CTNNA2: variants seen among roughly 807,000 people sequenced by gnomAD.
CTNNA2 encodes the protein catenin alpha-2.
Under a neutral mutation model 101.0 loss-of-function variants are expected in CTNNA2, and 42 were observed. The ratio of observed to expected loss-of-function variants is 0.42; its 90% CI spans 0.32 to 0.54. The LOEUF (loss-of-function observed/expected upper bound fraction) is 0.54, where lower values mean the gene tolerates loss of function less well. CTNNA2 is among the 20% of genes least tolerant of loss of function. CTNNA2 has a pLI of 0.14. For missense variants in CTNNA2, 871 were observed against 1,223.1 expected, an observed-to-expected ratio of 0.71 and a Z score of 4.29; for synonymous variants, 450 against 456.4, an observed-to-expected ratio of 0.99 and a Z score of 0.18.
chr2:79,423,358 C>T (rs527799934), intron 4 of CTNNA2, among the ~76,000 whole-genome samples: 1 of 152,196 alleles, frequency 6.6e-6, no homozygotes, highest in South Asian at 2.1e-4. Context: ...ACAGAGTGAC[C>T]TCTGTAAACA....
chr2:79,256,901 G>T (rs985471091), intron 2 of CTNNA2, among the ~76,000 whole-genome samples: 7 of 152,246 alleles, frequency 4.6e-5, no homozygotes, highest in African/African-American at 1.7e-4. Context: ...CAAAGAGTGT[G>T]CTCAGAAAAT....
intron 7 of CTNNA2, among the ~76,000 whole-genome samples, chr2:80,065,600 C>T (rs1006591106): frequency 6.6e-6 from 1 of 152,120 alleles, no homozygotes; most frequent in Admixed American, 6.5e-5. Flanking sequence ...GATCTGCCCG[C>T]CTCGGCCTCC....
At chr2:79,575,803 G>A (rs1490320399) in intron 1 of CTNNA2, among the ~76,000 whole-genome samples, 1 of 152,184 alleles carries the variant, frequency 6.6e-6, no homozygotes, top group African/African-American at 2.4e-5. Context: ...TGCTTGGATT[G>A]AAGTACAAGA....
intron 3 of CTNNA2, among the ~76,000 whole-genome samples, chr2:79,829,738 G>C (rs1363825162): frequency 1.5e-5 from 2 of 137,704 alleles, no homozygotes; most frequent in African/African-American, 5.8e-5. Context: ...ATTTATTTTT[G>C]AGACGGAGTC....
At chr2:79,280,701 G>GAGAC (rs142826852) in intron 2 of CTNNA2, among the ~76,000 whole-genome samples, 2,952 of 147,268 alleles carry the variant, frequency 0.02, 50 homozygotes, top group Middle Eastern at 0.041. Flanking sequence ...GAGAGAGAGA[G>GAGAC]ACCTATAGCT....
intron 2 of CTNNA2, among the ~76,000 whole-genome samples, chr2:79,715,084 G>T (rs1685991742): frequency 6.6e-6 from 1 of 150,458 alleles, no homozygotes; most frequent in South Asian, 2.1e-4. Context: ...GTGGATGCCT[G>T]TAATCCCAGG....
At chr2:79,563,562 T>C (rs1674926786) in intron 1 of CTNNA2, among the ~76,000 whole-genome samples, 1 of 152,048 alleles carries the variant, frequency 6.6e-6, no homozygotes, top group Non-Finnish European at 1.5e-5. Flanking sequence ...GGAGTTTGGG[T>C]GGGGCAGGTT....
intron 7 of CTNNA2, among the ~76,000 whole-genome samples, chr2:80,109,012 C>T (rs945210238): frequency 9.9e-5 from 15 of 152,184 alleles, no homozygotes; most frequent in Admixed American, 7.9e-4. Flanking sequence ...TCACATACTT[C>T]CCTTTGAAAA....
intron 4 of CTNNA2, among the ~76,000 whole-genome samples, chr2:79,480,306 A>G (rs1671095348): frequency 6.6e-6 from 1 of 152,148 alleles, no homozygotes; most frequent in Admixed American, 6.5e-5. Context: ...ATTGGGTATT[A>G]CTTTTCAACA....
At chr2:79,323,070 T>A (rs963024633) in intron 3 of CTNNA2, among the ~76,000 whole-genome samples, 18 of 152,190 alleles carry the variant, frequency 1.2e-4, no homozygotes, top group African/African-American at 4.3e-4. Context: ...CAGGATTTGG[T>A]GCTGTCCTGT....
chr2:80,073,441 A>C (rs1698475337), intron 7 of CTNNA2, among the ~76,000 whole-genome samples: 1 of 152,160 alleles, frequency 6.6e-6, no homozygotes, highest in Non-Finnish European at 1.5e-5. Context: ...CTGAGTGCTC[A>C]GAAGGGTAGC....
intron 1 of CTNNA2, among the ~76,000 whole-genome samples, chr2:79,595,208 T>C (rs111741854): frequency 7.2e-5 from 11 of 152,314 alleles, no homozygotes; most frequent in African/African-American, 2.6e-4. Flanking sequence ...CCTTGTCTTT[T>C]TTCATAGGTC....
chr2:79,521,156 AT>A (rs1558695219), intron 1 of CTNNA2, among the ~76,000 whole-genome samples: 34 of 66,788 alleles, frequency 5.1e-4, no homozygotes, highest in African/African-American at 2.0e-3. Flanking sequence ...ATATATATAT[AT>A]ATATATATAT....
At chr2:80,211,773 A>G (rs1418405747) in intron 7 of CTNNA2, among the ~76,000 whole-genome samples, 1 of 152,164 alleles carries the variant, frequency 6.6e-6, no homozygotes, top group Non-Finnish European at 1.5e-5. Flanking sequence ...TGGTAGCTTG[A>G]TGGGGATGGC....
In CTNNA2 at chr2:80,278,818, AT is replaced by A. The variant is rs1336773249; in HGVS notation, c.1057-114392del. Among the ~76,000 whole-genome samples the A allele has an allele frequency of 7.2e-5, 11 of 151,934 alleles. No homozygotes were observed. In the East Asian group the frequency reaches 1.6e-3, roughly 21 times the overall value. On this transcript the variant is annotated intron_variant, in intron 7 of 18. Transcript: ENST00000402739. ...CCCATCTCTACTAAAAATTAAAAAA[AT>A]ATATATATATCAGTTGGGCACACCT... is the stretch of plus-strand genomic sequence containing the variant.
At chr2:79,308,052 T>C (rs1417753623) in intron 2 of CTNNA2, among the ~76,000 whole-genome samples, 1 of 152,174 alleles carries the variant, frequency 6.6e-6, no homozygotes, top group Non-Finnish European at 1.5e-5. Flanking sequence ...TGTCCATTTT[T>C]ATTTATTTCG....
At chr2:80,210,319 T>C (rs1341568468) in intron 7 of CTNNA2, among the ~76,000 whole-genome samples, 1 of 152,186 alleles carries the variant, frequency 6.6e-6, no homozygotes, top group Non-Finnish European at 1.5e-5. Flanking sequence ...ACCCATTAAC[T>C]CGTCATTTAT....
chr2:79,967,136 G>A (rs1170328645), intron 7 of CTNNA2, among the ~76,000 whole-genome samples: 1 of 149,528 alleles, frequency 6.7e-6, no homozygotes, highest in Non-Finnish European at 1.5e-5. Flanking sequence ...GTGTGTGTGT[G>A]TGTATGTTAC....
intron 7 of CTNNA2, among the ~76,000 whole-genome samples, chr2:80,029,801 A>C (rs1695173021): frequency 6.6e-6 from 1 of 152,136 alleles, no homozygotes; most frequent in South Asian, 2.1e-4. Flanking sequence ...TAGAATAGTA[A>C]CACATGTACC....
Sources: allele counts gnomAD v4.1 joint callset (sites outside exome capture counted in the v4.1 genomes callset), GRCh38; gene constraint gnomAD v4.1.1; transcripts MANE v1.5; gene names NCBI Gene and HGNC (gene_info 2026-07-23, HGNC 2026-07-21).